PPP2R1B: variants seen among roughly 807,000 people sequenced by gnomAD.
PPP2R1B encodes the protein protein phosphatase 2 scaffold subunit Abeta.
PPP2R1B carries 58 observed loss-of-function variants against 72.7 expected under a neutral mutation model. That is an observed-to-expected ratio of 0.80 (90% CI 0.65 to 0.99). PPP2R1B has a LOEUF of 0.99. Ranked by LOEUF, PPP2R1B falls within the 50% of genes least tolerant of loss-of-function variation. PPP2R1B has a pLI of 0.00. For synonymous variants in PPP2R1B, 256 were observed against 264.6 expected, an observed-to-expected ratio of 0.97 and a Z score of 0.32; for missense variants, 695 against 733.6, an observed-to-expected ratio of 0.95 and a Z score of 0.61.
chr11:111,692,038 G>T, the PPP2R1B span, among the ~76,000 whole-genome samples: 3 of 152,038 alleles, frequency 2.0e-5, no homozygotes, highest in African/African-American at 7.2e-5. Flanking sequence ...CAGGATTGGG[G>T]ATCGGGGAGA....
intron 11 of PPP2R1B, among the ~76,000 whole-genome samples, chr11:111,745,692 A>T (rs898562803): frequency 1.3e-5 from 2 of 152,278 alleles, no homozygotes; most frequent in Admixed American, 1.3e-4. Context: ...CCTTTCTCCT[A>T]TAATAAATAA....
At chr11:111,728,981 A>C (rs1944087325) in intron 15 of PPP2R1B, 1 of 152,134 alleles carries the variant, frequency 6.6e-6, no homozygotes. Flanking sequence ...AACTGGACAA[A>C]GAGATTTTCT....
downstream of PPP2R1B, chr11:111,724,314 A>G (rs1182798280): frequency 2.4e-6 from 2 of 847,548 alleles, no homozygotes; most frequent in African/African-American, 3.4e-5. Flanking sequence ...CTGCCCCACC[A>G]CAAAGTTTTC....
At chr11:111,708,115 C>T in the PPP2R1B span, among the ~76,000 whole-genome samples, 5 of 152,206 alleles carry the variant, frequency 3.3e-5, no homozygotes, top group Non-Finnish European at 7.3e-5. Context: ...GGCACAGTTG[C>T]TCATGCCTGT....
At chr11:111,736,604 T>C (rs1289260640), downstream of PPP2R1B, among the ~76,000 whole-genome samples, 2 of 152,168 alleles carry the variant, frequency 1.3e-5, no homozygotes, top group Non-Finnish European at 2.9e-5. Context: ...CACGGACAAG[T>C]GTGCAGCCCC....
At chr11:111,765,137 T>C (rs1298874453) in intron 2 of PPP2R1B, among the ~76,000 whole-genome samples, 157 bp downstream of exon 2, 1 of 152,258 alleles carries the variant, frequency 6.6e-6, no homozygotes, top group African/African-American at 2.4e-5. Context: ...TGTTTGAATA[T>C]ATCTAGCCAC....
chr11:111,719,135 A>G, the PPP2R1B span, among the ~76,000 whole-genome samples: 4 of 152,202 alleles, frequency 2.6e-5, no homozygotes, highest in Non-Finnish European at 4.4e-5. Flanking sequence ...TTGTTATTCT[A>G]CAATGGGAGG....
At chr11:111,765,012 G>C in intron 2 of PPP2R1B, 107 bp from the exon 3 acceptor site, 3 of 1,494,918 alleles carry the variant, frequency 2.0e-6, no homozygotes, top group Non-Finnish European at 2.7e-6. Flanking sequence ...AGGTGACCCA[G>C]TCAAAATCCT....
At chr11:111,707,721 T>G in the PPP2R1B span, among the ~76,000 whole-genome samples, 1 of 152,206 alleles carries the variant, frequency 6.6e-6, no homozygotes, top group Non-Finnish European at 1.5e-5. Flanking sequence ...ATGTTCTAAT[T>G]TTTTTAAAAG....
chr11:111,754,445 A>T, intron 8 of PPP2R1B, 54 bp downstream of exon 8: 3 of 1,568,060 alleles, frequency 1.9e-6, no homozygotes, highest in Non-Finnish European at 2.6e-6. Flanking sequence ...AAATAATGAG[A>T]TTAAGGTTTA....
downstream of PPP2R1B, chr11:111,723,970 G>C (rs769532950): frequency 5.9e-5 from 95 of 1,614,034 alleles, no homozygotes; most frequent in Admixed American, 8.3e-5. Context: ...GAGCCCAGCA[G>C]AGCGACCTAA....
the PPP2R1B span, chr11:111,721,724 G>A: frequency 1.4e-6 from 1 of 738,438 alleles, no homozygotes; most frequent in Non-Finnish European, 2.2e-6. Flanking sequence ...ATAAGTCTCA[G>A]TGGAGTTGGT....
At chr11:111,742,322 A>AC in intron 13 of PPP2R1B, 178 bp from the exon 14 acceptor site, 4 of 675,932 alleles carry the variant, frequency 5.9e-6, no homozygotes, top group South Asian at 5.6e-5. Context: ...AGCTTCAGAC[A>AC]AGGATCTACA....
downstream of PPP2R1B, chr11:111,724,444 T>G: frequency 2.9e-6 from 1 of 345,520 alleles, no homozygotes; most frequent in Non-Finnish European, 5.4e-6. Context: ...ACCCAGGTGT[T>G]ATGCAGGATT....
Position 111,741,073 on chromosome 11 carries a change from T to C in PPP2R1B, c.*523A>G, listed in dbSNP as rs986673485. 83 of 987,496 alleles carry C rather than the reference T, an allele frequency of 8.4e-5. No individual in the cohort carries two copies. Among genetic ancestry groups the C allele is most frequent in the Non-Finnish European group, 9.5e-5 (79 of 831,142 alleles). 61.2% of individuals were successfully genotyped at this position (987,496 alleles called of 1,614,324 possible). ...ACATTCCCCTTTCACATGAGACTAATGCAGACCATCATAATTCAGGAAAAT... is the reference window on the plus strand; with the variant it reads ...ACATTCCCCTTTCACATGAGACTAACGCAGACCATCATAATTCAGGAAAAT... On this transcript the variant is annotated 3_prime_UTR_variant, in exon 15 of 15. Transcript: ENST00000527614.
At chr11:111,749,091 C>T (rs1305839400) in intron 10 of PPP2R1B, among the ~76,000 whole-genome samples, 1 of 152,038 alleles carries the variant, frequency 6.6e-6, no homozygotes, top group African/African-American at 2.4e-5. Flanking sequence ...ATGATCCGTC[C>T]GCCTCAGCCT....
At chr11:111,725,739 T>C (rs1273235163), downstream of PPP2R1B, 1 of 152,636 alleles carries the variant, frequency 6.6e-6, no homozygotes, top group Non-Finnish European at 1.5e-5. Flanking sequence ...GTGGAAAGTC[T>C]AGGGGGTTCC....
At chr11:111,753,706 A>G (rs1240844513) in intron 8 of PPP2R1B, 129 bp from the exon 9 acceptor site, 8 of 913,728 alleles carry the variant, frequency 8.8e-6, no homozygotes, top group Non-Finnish European at 8.0e-6. Context: ...GGCTCACTGC[A>G]GCCTCACCCT....
At chr11:111,727,017 A>G in exon 16 of PPP2R1B, 1 of 1,614,094 alleles carries the variant, frequency 6.2e-7, no homozygotes, top group East Asian at 2.2e-5. Flanking sequence ...CAGCTGGGCA[A>G]GTGTGTCTCT....
Sources: gnomAD v4.1 joint callset for allele counts (sites outside exome capture counted in the v4.1 genomes callset) on GRCh38, gnomAD v4.1.1 for gene constraint, MANE v1.5 for transcripts, NCBI Gene and HGNC (gene_info 2026-07-23, HGNC 2026-07-21) for gene names.